The following LSAMP variants were observed in gnomAD, a reference collection of about 807,000 sequenced individuals.
LSAMP encodes limbic system-associated membrane protein.
A neutral mutation model predicts 38.6 loss-of-function variants in LSAMP; 7 were observed. The observed-to-expected ratio is 0.18, with a 90% confidence interval of 0.10 to 0.34. LSAMP has a LOEUF of 0.34. Among genes scored for constraint, LSAMP ranks in the 10% least tolerant of loss-of-function variants. The pLI is 1.00. For synonymous variants in LSAMP, 154 were observed against 166.8 expected, an observed-to-expected ratio of 0.92 and a Z score of 0.59; for missense variants, 313 against 420.0, an observed-to-expected ratio of 0.75 and a Z score of 2.23.
At chr3:116,371,574 A>G (rs369051005) in intron 1 of LSAMP, among the ~76,000 whole-genome samples, 16 of 152,252 alleles carry the variant, frequency 1.1e-4, no homozygotes, top group African/African-American at 3.6e-4. Flanking sequence ...CCCATGGTGA[A>G]CATCATAATC....
At chr3:116,091,655 A>C (rs1033375665) in intron 1 of LSAMP, among the ~76,000 whole-genome samples, 3 of 152,186 alleles carry the variant, frequency 2.0e-5, no homozygotes, top group Non-Finnish European at 4.4e-5. Flanking sequence ...CAACAATTTT[A>C]TCTCTAGAAT....
chr3:116,131,283 G>A (rs528689405), intron 1 of LSAMP, among the ~76,000 whole-genome samples: 8 of 151,924 alleles, frequency 5.3e-5, no homozygotes, highest in East Asian at 3.9e-4. Flanking sequence ...GAGCCACCTC[G>A]CCCGGCCTAA....
intron 1 of LSAMP, among the ~76,000 whole-genome samples, chr3:116,088,694 T>C (rs1053574687): frequency 6.6e-6 from 1 of 152,206 alleles, no homozygotes; most frequent in African/African-American, 2.4e-5. Context: ...AACACAAGAA[T>C]GGTCAGATTT....
chr3:115,987,241 G>A (rs1939535297), intron 3 of LSAMP, among the ~76,000 whole-genome samples: 1 of 152,140 alleles, frequency 6.6e-6, no homozygotes, highest in Non-Finnish European at 1.5e-5. Flanking sequence ...TCTCCCATAA[G>A]AATGAGTTCT....
intron 3 of LSAMP, among the ~76,000 whole-genome samples, chr3:115,873,401 G>A (rs1936101218): frequency 6.6e-6 from 1 of 150,776 alleles, no homozygotes; most frequent in Non-Finnish European, 1.5e-5. Flanking sequence ...AAAAGTCTAT[G>A]CTTTTTTAGA....
At chr3:115,879,006 CAT>C (rs1206529582) in intron 3 of LSAMP, among the ~76,000 whole-genome samples, 2 of 152,112 alleles carry the variant, frequency 1.3e-5, no homozygotes, top group African/African-American at 4.8e-5. Flanking sequence ...CTGCAGGACA[CAT>C]GTCTCAAAAT....
chr3:116,393,346 G>A (rs757549584), intron 1 of LSAMP, among the ~76,000 whole-genome samples: 1 of 152,156 alleles, frequency 6.6e-6, no homozygotes, highest in Non-Finnish European at 1.5e-5. Flanking sequence ...CTGGGTAAAC[G>A]GCTTGCAGTG....
At chr3:116,042,938 C>A (rs936430022) in intron 2 of LSAMP, among the ~76,000 whole-genome samples, 1 of 152,088 alleles carries the variant, frequency 6.6e-6, no homozygotes, top group Non-Finnish European at 1.5e-5. Flanking sequence ...CCTTTTTTAT[C>A]GCTCAATCTA....
chr3:116,314,279 G>A (rs537541170), intron 1 of LSAMP, among the ~76,000 whole-genome samples: 10 of 152,250 alleles, frequency 6.6e-5, no homozygotes, highest in Admixed American at 1.3e-4. Context: ...GCTAATTTGC[G>A]AAACTGAATT....
chr3:115,987,494 C>A (rs185250366), intron 3 of LSAMP, among the ~76,000 whole-genome samples: 2 of 152,174 alleles, frequency 1.3e-5, no homozygotes, highest in Non-Finnish European at 2.9e-5. Flanking sequence ...ATTTCAGGAA[C>A]TACAGTGGCA....
chr3:116,186,598 C>A (rs1454250292), intron 1 of LSAMP, among the ~76,000 whole-genome samples: 1 of 152,132 alleles, frequency 6.6e-6, no homozygotes, highest in Non-Finnish European at 1.5e-5. Flanking sequence ...GACATCCTGA[C>A]AAATTCCCTC....
chr3:116,228,851 G>T (rs1394862572), intron 1 of LSAMP, among the ~76,000 whole-genome samples: 1 of 152,038 alleles, frequency 6.6e-6, no homozygotes, highest in Non-Finnish European at 1.5e-5. Flanking sequence ...GGGAAAGCAG[G>T]TGGTATATTC....
rs1576125971 is a variant in LSAMP at position 115,834,716 on chromosome 3, A to G, written c.919+7129T>C. ...GATGAATTTCCATGCTTACAGGATCATATCTCTCATAAAACATTTGTCTGT... is the reference window on the plus strand; with the variant it reads ...GATGAATTTCCATGCTTACAGGATCGTATCTCTCATAAAACATTTGTCTGT... On this transcript the variant is annotated intron_variant, in intron 6 of 6. Transcript: ENST00000490035. 2.7e-5 allele frequency: 9 copies of G among 339,238 alleles called. No individual in the cohort carries two copies. In the South Asian group the frequency reaches 3.6e-4, roughly 13 times the overall value. The allele number at this position is 339,238 out of a possible 1,614,324, so 21.0% of individuals were successfully genotyped here.
At chr3:116,336,895 G>A (rs1418973875) in intron 1 of LSAMP, among the ~76,000 whole-genome samples, 2 of 151,618 alleles carry the variant, frequency 1.3e-5, no homozygotes, top group Non-Finnish European at 2.9e-5. Context: ...CAATGCAAGT[G>A]TTCATTAAAA....
At chr3:116,090,994 T>C (rs1371528342) in intron 1 of LSAMP, among the ~76,000 whole-genome samples, 1 of 152,098 alleles carries the variant, frequency 6.6e-6, no homozygotes. Flanking sequence ...CAAAATTTAT[T>C]AGGTGGGAAT....
At chr3:115,833,741 G>A (rs574979824) in intron 6 of LSAMP, among the ~76,000 whole-genome samples, 2 of 151,088 alleles carry the variant, frequency 1.3e-5, no homozygotes, top group African/African-American at 2.4e-5. Flanking sequence ...GCCAGGTCCC[G>A]CATGGCCTAG....
chr3:116,290,752 T>TAAC (rs1559815737), intron 1 of LSAMP, among the ~76,000 whole-genome samples: 1 of 147,458 alleles, frequency 6.8e-6, no homozygotes, highest in Non-Finnish European at 1.5e-5. Context: ...ATAATAATAA[T>TAAC]AATAATAATA....
At chr3:116,239,937 G>A (rs1262218217) in intron 1 of LSAMP, among the ~76,000 whole-genome samples, 1 of 152,028 alleles carries the variant, frequency 6.6e-6, no homozygotes, top group Non-Finnish European at 1.5e-5. Flanking sequence ...ATATGAATAA[G>A]TTTATAATCT....
intron 2 of LSAMP, among the ~76,000 whole-genome samples, chr3:116,070,055 G>T (rs1326808325): frequency 6.6e-6 from 1 of 151,966 alleles, no homozygotes; most frequent in Non-Finnish European, 1.5e-5. Context: ...TGAAATGGAA[G>T]GAACATGAGA....
Sources: gnomAD v4.1 joint callset for allele counts (sites outside exome capture counted in the v4.1 genomes callset) on GRCh38, gnomAD v4.1.1 for gene constraint, MANE v1.5 for transcripts, NCBI Gene and HGNC (gene_info 2026-07-23, HGNC 2026-07-21) for gene names.